The following SYN3 variants were observed in gnomAD, a reference collection of about 807,000 sequenced individuals.
The protein encoded by SYN3 is synapsin III.
A neutral mutation model predicts 65.8 loss-of-function variants in SYN3; 35 were observed. That is an observed-to-expected ratio of 0.53 (90% CI 0.41 to 0.70). SYN3 has a LOEUF of 0.70. Among genes scored for constraint, SYN3 ranks in the 30% least tolerant of loss-of-function variants. SYN3 has a pLI of 0.00. For missense variants in SYN3, 680 were observed against 749.0 expected (o/e 0.91, Z 1.08); for synonymous variants, 270 against 292.9 (o/e 0.92, Z 0.80).
At chr22:32,534,590 G>A (rs2058132657) in intron 9 of SYN3, among the ~76,000 whole-genome samples, 1 of 152,226 alleles carries the variant, frequency 6.6e-6, no homozygotes, top group Non-Finnish European at 1.5e-5. Flanking sequence ...CTCTGACCCT[G>A]CAACAAGGGG....
At chr22:32,986,997 T>A (rs2052547486) in intron 2 of SYN3, among the ~76,000 whole-genome samples, 1 of 151,994 alleles carries the variant, frequency 6.6e-6, no homozygotes, top group African/African-American at 2.4e-5. Context: ...ATGGGGCTCT[T>A]TTGTGGCTGC....
chr22:32,704,125 C>T (rs537345802), intron 6 of SYN3, among the ~76,000 whole-genome samples: 7 of 152,100 alleles, frequency 4.6e-5, no homozygotes, highest in East Asian at 1.9e-4. Flanking sequence ...TAGGTATACT[C>T]GTGTCACAGG....
intron 7 of SYN3, among the ~76,000 whole-genome samples, chr22:32,574,072 T>C (rs577087372): frequency 6.6e-6 from 1 of 151,976 alleles, no homozygotes; most frequent in Non-Finnish European, 1.5e-5. Flanking sequence ...GCCACTGAGC[T>C]TGGCTGGGGT....
intron 7 of SYN3, among the ~76,000 whole-genome samples, chr22:32,549,214 G>A (rs997750746): frequency 2.0e-5 from 3 of 151,712 alleles, no homozygotes; most frequent in Admixed American, 6.6e-5. Flanking sequence ...CTGCTATGGC[G>A]TGAAAAAAAT....
intron 7 of SYN3, among the ~76,000 whole-genome samples, chr22:32,563,947 G>A (rs2058622384): frequency 1.3e-5 from 2 of 152,186 alleles, no homozygotes; most frequent in Admixed American, 6.5e-5. Flanking sequence ...GGGATTACAG[G>A]CATGAGCCAC....
rs1555931894 is a variant in SYN3 at position 32,710,645 on chromosome 22, A to AAAAAAAAAAAAAAAAAG, written c.712-113910_712-113909insCTTTTTTTTTTTTTTTT. Among the ~76,000 whole-genome samples the AAAAAAAAAAAAAAAAAG allele has an allele frequency of 3.6e-3, 452 of 126,848 alleles. 31 individuals carry two copies. The highest frequency in any genetic ancestry group is 0.012 in the African/African-American group (355 of 28,660). 83.2% of individuals were successfully genotyped at this position (126,848 alleles called of 152,430 possible). A position where few individuals can be genotyped will look rare whatever the true frequency, so the allele number is the denominator to read the frequency against. On this transcript the variant is annotated intron_variant, in intron 6 of 13. Coordinates refer to ENST00000358763, the MANE Select transcript of SYN3 (RefSeq NM_003490.4). ...GAGACTCTGTCTCAAAAAAAAAAAA[A>AAAAAAAAAAAAAAAAAG]AAAGAAAGAAAGAAAAAGAAAGAAA... is the stretch of plus-strand genomic sequence containing the variant.
At chr22:32,677,492 A>G (rs2060462639) in intron 6 of SYN3, among the ~76,000 whole-genome samples, 1 of 152,152 alleles carries the variant, frequency 6.6e-6, no homozygotes, top group Non-Finnish European at 1.5e-5. Context: ...AACAAATTAG[A>G]GTCATATCAA....
At chr22:32,810,280 C>T (rs907045554) in intron 6 of SYN3, among the ~76,000 whole-genome samples, 1 of 152,188 alleles carries the variant, frequency 6.6e-6, no homozygotes, top group African/African-American at 2.4e-5. Flanking sequence ...GCTAGGATGG[C>T]TTTGCTGTCA....
chr22:32,787,634 T>G (rs946844521), intron 6 of SYN3, among the ~76,000 whole-genome samples: 1 of 152,236 alleles, frequency 6.6e-6, no homozygotes, highest in South Asian at 2.1e-4. Flanking sequence ...CATCTTGCAC[T>G]GTTTTCTTTG....
At chr22:32,603,805 A>C (rs1286288112) in intron 6 of SYN3, among the ~76,000 whole-genome samples, 1 of 152,226 alleles carries the variant, frequency 6.6e-6, no homozygotes, top group East Asian at 1.9e-4. Flanking sequence ...CGAGGTCTGC[A>C]TCAGCCTCTC....
At chr22:32,941,790 C>T (rs928585931) in intron 3 of SYN3, among the ~76,000 whole-genome samples, 1 of 152,242 alleles carries the variant, frequency 6.6e-6, no homozygotes, top group Non-Finnish European at 1.5e-5. Context: ...AACAGTACAC[C>T]AGGAGATTAT....
intron 2 of SYN3, among the ~76,000 whole-genome samples, chr22:33,001,012 T>C (rs1384583128): frequency 1.3e-5 from 2 of 152,062 alleles, no homozygotes; most frequent in Non-Finnish European, 2.9e-5. Flanking sequence ...GGTTAGGAAG[T>C]TCGTGAAGAA....
chr22:32,976,998 G>T (rs1013658501), intron 3 of SYN3, among the ~76,000 whole-genome samples: 3 of 150,986 alleles, frequency 2.0e-5, no homozygotes, highest in Non-Finnish European at 2.9e-5. Flanking sequence ...GATTCCTGGG[G>T]GGGGGGTTGC....
In SYN3 at chr22:32,801,992, A is replaced by T. The variant is rs1205570462; in HGVS notation, c.711+62923T>A. The T allele has an allele frequency of 6.3e-7, 1 of 1,583,620 alleles. No individual in the cohort carries two copies. The highest frequency in any genetic ancestry group is 8.5e-7 in the Non-Finnish European group (1 of 1,171,584). On this transcript the variant is annotated intron_variant, in intron 6 of 13. Transcript: ENST00000358763. This position sits in a 1 kb window ranked among gnomAD's most constrained non-coding sequence, Gnocchi z 4.7. ...GAGCAGCAGCCCCGGCAGCGGCGGC[A>T]GCAGCGGCAATGACCCCTTGGCTCG...
chr22:32,871,335 C>G (rs1391784079), intron 4 of SYN3, among the ~76,000 whole-genome samples: 1 of 152,196 alleles, frequency 6.6e-6, no homozygotes, highest in African/African-American at 2.4e-5. Flanking sequence ...TTATGGTGCT[C>G]TCTCTCCAGG....
At chr22:32,574,210 G>C (rs2058820217) in intron 7 of SYN3, among the ~76,000 whole-genome samples, 2 of 152,050 alleles carry the variant, frequency 1.3e-5, no homozygotes, top group Admixed American at 1.3e-4. Context: ...GCCGGGTACA[G>C]TGGCTCACAC....
intron 7 of SYN3, among the ~76,000 whole-genome samples, chr22:32,591,118 C>T (rs370014802): frequency 7.9e-5 from 12 of 152,010 alleles, no homozygotes; most frequent in African/African-American, 2.7e-4. Flanking sequence ...CTAAAGTGGA[C>T]GAGGCAACTT....
intron 6 of SYN3, among the ~76,000 whole-genome samples, chr22:32,745,536 C>G (rs988912704): frequency 6.6e-6 from 1 of 152,206 alleles, no homozygotes. Flanking sequence ...GTAGCTTCCC[C>G]CTCCCACTGC....
chr22:32,806,269 C>G (rs2046733188), intron 6 of SYN3, among the ~76,000 whole-genome samples: 1 of 152,084 alleles, frequency 6.6e-6, no homozygotes, highest in Non-Finnish European at 1.5e-5. Flanking sequence ...TTCACAGTCC[C>G]TGGATAGATA....
Sources: gnomAD v4.1 joint callset for allele counts (sites outside exome capture counted in the v4.1 genomes callset) on GRCh38, gnomAD v4.1.1 for gene constraint, Gnocchi (gnomAD v3.1) non-coding constraint, MANE v1.5 for transcripts, NCBI Gene and HGNC (gene_info 2026-07-23, HGNC 2026-07-21) for gene names.